The following HPSE2 variants were observed in gnomAD, a reference collection of about 807,000 sequenced individuals.
The protein encoded by HPSE2 is inactive heparanase-2.
A neutral mutation model predicts 60.5 loss-of-function variants in HPSE2; 38 were observed. The observed-to-expected ratio is 0.63, with a 90% CI of 0.48 to 0.82. HPSE2 has a LOEUF of 0.82. HPSE2 is among the 40% of genes least tolerant of loss of function. The probability of loss-of-function intolerance (pLI) is 0.00; values close to 1 mark genes in which losing one functional copy is unlikely to be tolerated. For synonymous variants in HPSE2, 295 were observed against 293.2 expected (o/e 1.01, Z -0.06); for missense variants, 713 against 740.4 (o/e 0.96, Z 0.43).
At chr10:99,084,678 C>T (rs73324232) in intron 3 of HPSE2, among the ~76,000 whole-genome samples, 1,714 of 151,710 alleles carry the variant, frequency 0.011, 35 homozygotes, top group African/African-American at 0.039. Context: ...CTCTAAAAGG[C>T]AAAAACAAAA....
chr10:99,035,072 TAC>T (rs980089176), intron 3 of HPSE2, among the ~76,000 whole-genome samples: 1 of 152,158 alleles, frequency 6.6e-6, no homozygotes, highest in African/African-American at 2.4e-5. Flanking sequence ...ACACTTAGGG[TAC>T]ACTAAATTTA....
intron 3 of HPSE2, among the ~76,000 whole-genome samples, chr10:99,103,190 A>T (rs989457180): frequency 6.6e-6 from 1 of 152,196 alleles, no homozygotes; most frequent in Non-Finnish European, 1.5e-5. Context: ...AGGAAGTCAA[A>T]TTGTCCCTGT....
At chr10:99,022,709 C>T (rs531145223) in intron 3 of HPSE2, among the ~76,000 whole-genome samples, 54 of 152,244 alleles carry the variant, frequency 3.5e-4, no homozygotes, top group Non-Finnish European at 5.6e-4. Flanking sequence ...GTTTCAGGCC[C>T]TACTTCCAGA....
intron 11 of HPSE2, among the ~76,000 whole-genome samples, chr10:98,471,074 C>T (rs1451156183): frequency 6.6e-6 from 1 of 152,202 alleles, no homozygotes; most frequent in Non-Finnish European, 1.5e-5. Context: ...GAGAAGCCAG[C>T]ACTCATCCTT....
intron 9 of HPSE2, among the ~76,000 whole-genome samples, chr10:98,567,326 T>C (rs556550510): frequency 1.3e-5 from 2 of 152,186 alleles, no homozygotes; most frequent in African/African-American, 2.4e-5. Flanking sequence ...AATATTAATC[T>C]TCTTTTTGGA....
At chr10:99,217,574 T>A in intron 2 of HPSE2, among the ~76,000 whole-genome samples, 1 of 45,362 alleles carries the variant, frequency 2.2e-5, no homozygotes, top group East Asian at 7.7e-4. Context: ...AGGACCCAGT[T>A]TTTTTGTTGT....
intron 5 of HPSE2, among the ~76,000 whole-genome samples, chr10:98,707,880 G>A (rs958453036): frequency 1.3e-5 from 2 of 151,936 alleles, no homozygotes; most frequent in Admixed American, 6.6e-5. Flanking sequence ...TTGAAAAACT[G>A]GAATAATGAA....
chr10:99,001,151 AATG>A (rs1956769453), intron 3 of HPSE2, among the ~76,000 whole-genome samples: 1 of 152,132 alleles, frequency 6.6e-6, no homozygotes, highest in South Asian at 2.1e-4. Flanking sequence ...TACATTAGAA[AATG>A]ATGATGATGT....
chr10:99,105,733 T>C (rs1357265228), intron 3 of HPSE2, among the ~76,000 whole-genome samples: 1 of 152,138 alleles, frequency 6.6e-6, no homozygotes, highest in African/African-American at 2.4e-5. Flanking sequence ...CTATCTTTTA[T>C]TGTAGAAGAT....
At chr10:98,559,133 A>C (rs1944098295) in intron 9 of HPSE2, among the ~76,000 whole-genome samples, 1 of 152,106 alleles carries the variant, frequency 6.6e-6, no homozygotes, top group Non-Finnish European at 1.5e-5. Flanking sequence ...GGTTCAGGCT[A>C]TCTCCTGCCT....
the HPSE2 span, among the ~76,000 whole-genome samples, chr10:99,311,638 A>G: frequency 6.6e-6 from 1 of 152,152 alleles, no homozygotes; most frequent in Non-Finnish European, 1.5e-5. Flanking sequence ...CTATTCCCTG[A>G]TTGAAATTAG....
intron 2 of HPSE2, among the ~76,000 whole-genome samples, chr10:99,222,667 T>C (rs1849352155): frequency 1.3e-5 from 2 of 152,216 alleles, no homozygotes; most frequent in African/African-American, 2.4e-5. Flanking sequence ...ATTTCTATTA[T>C]TCCCTTCAAT....
chr10:98,953,957 C>A (rs1361253334), intron 3 of HPSE2, among the ~76,000 whole-genome samples: 1 of 152,108 alleles, frequency 6.6e-6, no homozygotes. Flanking sequence ...CTATAATAAG[C>A]ATTCAATAAA....
At chr10:98,951,019 G>A (rs1253523481) in intron 3 of HPSE2, among the ~76,000 whole-genome samples, 1 of 152,142 alleles carries the variant, frequency 6.6e-6, no homozygotes, top group Non-Finnish European at 1.5e-5. Context: ...TCCAAGATAG[G>A]CCTGTAAGTA....
chr10:99,003,587 G>T (rs1371372396), intron 3 of HPSE2, among the ~76,000 whole-genome samples: 1 of 152,014 alleles, frequency 6.6e-6, no homozygotes, highest in Non-Finnish European at 1.5e-5. Flanking sequence ...TTCTCTGATG[G>T]TTAAGCACAT....
At chr10:98,696,897 A>G (rs770067287) in intron 5 of HPSE2, among the ~76,000 whole-genome samples, 25 of 152,236 alleles carry the variant, frequency 1.6e-4, no homozygotes, top group Non-Finnish European at 2.5e-4. Flanking sequence ...CAGCAGCCCT[A>G]TAGAACAGGG....
chr10:99,050,664 T>C (rs1957970309), intron 3 of HPSE2, among the ~76,000 whole-genome samples: 1 of 152,102 alleles, frequency 6.6e-6, no homozygotes, highest in South Asian at 2.1e-4. Context: ...ATATACACAA[T>C]AGAAAAAATT....
chr10:98,751,016 T>G (rs1472729219), intron 3 of HPSE2, among the ~76,000 whole-genome samples: 1 of 152,090 alleles, frequency 6.6e-6, no homozygotes, highest in African/African-American at 2.4e-5. Context: ...TAGCTTAGTT[T>G]CCATCCCAGC....
At chr10:98,646,695 A>C (rs1946778728) in intron 6 of HPSE2, among the ~76,000 whole-genome samples, 1 of 152,220 alleles carries the variant, frequency 6.6e-6, no homozygotes. Flanking sequence ...CAATGTATTC[A>C]CCAACTCTCC....
Sources: gnomAD v4.1 joint callset for allele counts (sites outside exome capture counted in the v4.1 genomes callset) on GRCh38, gnomAD v4.1.1 for gene constraint, MANE v1.5 for transcripts, NCBI Gene and HGNC (gene_info 2026-07-23, HGNC 2026-07-21) for gene names.